The following ASIC2 variants were observed in gnomAD, a reference collection of about 807,000 sequenced individuals.
ASIC2 encodes the protein acid sensing ion channel subunit 2.
A neutral mutation model predicts 57.3 loss-of-function variants in ASIC2; 25 were observed. The ratio of observed to expected loss-of-function variants is 0.44; its 90% CI spans 0.32 to 0.61. The LOEUF is 0.61. ASIC2 is among the 20% of genes least tolerant of loss of function. The probability of loss-of-function intolerance (pLI) is 0.06; values close to 1 mark genes in which losing one functional copy is unlikely to be tolerated. For synonymous variants in ASIC2, 319 were observed against 307.5 expected, an observed-to-expected ratio of 1.04 and a Z score of -0.39; for missense variants, 641 against 738.1, an observed-to-expected ratio of 0.87 and a Z score of 1.52.
At chr17:33,662,460 A>G (rs1242258671) in intron 1 of ASIC2, among the ~76,000 whole-genome samples, 1 of 144,078 alleles carries the variant, frequency 6.9e-6, no homozygotes, top group Non-Finnish European at 1.5e-5. Flanking sequence ...ATCTCCACTA[A>G]AAATACAAAA....
intron 1 of ASIC2, among the ~76,000 whole-genome samples, chr17:33,417,267 T>G (rs1267630181): frequency 2.6e-5 from 4 of 152,138 alleles, no homozygotes; most frequent in Admixed American, 2.0e-4. Flanking sequence ...TCCACCCAGT[T>G]CAAGCCCCTA....
At chr17:33,739,034 G>T (rs1292370042) in intron 1 of ASIC2, among the ~76,000 whole-genome samples, 1 of 152,232 alleles carries the variant, frequency 6.6e-6, no homozygotes, top group African/African-American at 2.4e-5. Context: ...AACAGCCCCA[G>T]TTCTGGCAGA....
chr17:33,120,076 G>C (rs950072082), intron 1 of ASIC2, among the ~76,000 whole-genome samples: 1 of 152,206 alleles, frequency 6.6e-6, no homozygotes, highest in Non-Finnish European at 1.5e-5. Flanking sequence ...CCTAGCCCAA[G>C]GTCCTACAGC....
intron 1 of ASIC2, among the ~76,000 whole-genome samples, chr17:33,450,941 C>T (rs1310060218): frequency 6.6e-6 from 1 of 152,216 alleles, no homozygotes; most frequent in Non-Finnish European, 1.5e-5. Context: ...AACTGCTATC[C>T]TGACATGTTC....
At chr17:33,934,217 G>A (rs1447249087) in intron 1 of ASIC2, among the ~76,000 whole-genome samples, 2 of 152,186 alleles carry the variant, frequency 1.3e-5, no homozygotes, top group East Asian at 1.9e-4. Context: ...TGGAAATCAA[G>A]TATTATGGCT....
At chr17:34,077,808 CCT>C (rs780305813) in intron 1 of ASIC2, among the ~76,000 whole-genome samples, 35 of 152,230 alleles carry the variant, frequency 2.3e-4, no homozygotes, top group South Asian at 1.0e-3. Context: ...TGCGTCCCAG[CCT>C]CTCTGAAGAA....
chr17:33,142,337 G>T (rs570174608), intron 1 of ASIC2, among the ~76,000 whole-genome samples: 10 of 152,302 alleles, frequency 6.6e-5, no homozygotes, highest in Non-Finnish European at 1.3e-4. Context: ...CAGAGTATTT[G>T]GTTGTGATAA....
At chr17:34,068,043 C>A (rs1909237348) in intron 1 of ASIC2, among the ~76,000 whole-genome samples, 2 of 152,262 alleles carry the variant, frequency 1.3e-5, no homozygotes, top group Admixed American at 6.5e-5. Flanking sequence ...CTTTTACAAT[C>A]CAATAAATCT....
intron 1 of ASIC2, among the ~76,000 whole-genome samples, chr17:34,061,548 G>A (rs1180106461): frequency 6.6e-6 from 1 of 152,162 alleles, no homozygotes; most frequent in Non-Finnish European, 1.5e-5. Flanking sequence ...AATGTAAATG[G>A]CCTAAATGCT....
rs58085265 is a variant in ASIC2, at chr17:33,682,060, C to CTTTTTTTTTT, written c.555+473908_555+473917dup. ...CCACACAGGATGGCATCAGTGACAT[C>CTTTTTTTTTT]TTTTTTTTTTTTTTTTTGAGACAGA... is the stretch of plus-strand genomic sequence containing the variant. On this transcript the variant is annotated intron_variant, in intron 1 of 9. Transcript: ENST00000359872. Among the ~76,000 whole-genome samples the CTTTTTTTTTT allele has an allele frequency of 2.4e-5, 3 of 122,782 alleles. 1 individual carries two copies. Among genetic ancestry groups the CTTTTTTTTTT allele is most frequent in the African/African-American group, 1.0e-4 (3 of 29,880 alleles). The allele number at this position is 122,782 out of a possible 152,430, so 80.5% of individuals were successfully genotyped here.
intron 1 of ASIC2, among the ~76,000 whole-genome samples, chr17:33,159,129 A>C (rs965154833): frequency 6.7e-4 from 102 of 152,128 alleles, no homozygotes; most frequent in African/African-American, 2.2e-3. Context: ...TTGTAATGAT[A>C]AATTACCATT....
At chr17:33,800,077 GTCCTCCA>G (rs1912087431) in intron 1 of ASIC2, among the ~76,000 whole-genome samples, 1 of 152,022 alleles carries the variant, frequency 6.6e-6, no homozygotes, top group African/African-American at 2.4e-5. Context: ...ACCTTAGCTG[GTCCTCCA>G]TGCTCTATTA....
At chr17:33,694,140 T>C (rs1164505206) in intron 1 of ASIC2, among the ~76,000 whole-genome samples, 1 of 152,178 alleles carries the variant, frequency 6.6e-6, no homozygotes, top group Non-Finnish European at 1.5e-5. Flanking sequence ...GTGAGAAAGA[T>C]TCATGGCCTC....
chr17:33,650,796 C>G (rs1906893595), intron 1 of ASIC2, among the ~76,000 whole-genome samples: 1 of 152,040 alleles, frequency 6.6e-6, no homozygotes, highest in Non-Finnish European at 1.5e-5. Flanking sequence ...AAAAGCAGAA[C>G]AGATTAGTGG....
chr17:34,141,112 C>T (rs1329523279), intron 1 of ASIC2, among the ~76,000 whole-genome samples: 1 of 150,772 alleles, frequency 6.6e-6, no homozygotes, highest in African/African-American at 2.4e-5. Flanking sequence ...AAACATTGAA[C>T]AAACCAAAAT....
chr17:33,109,515 C>T (rs1301322815), intron 2 of ASIC2, among the ~76,000 whole-genome samples: 1 of 152,184 alleles, frequency 6.6e-6, no homozygotes, highest in African/African-American at 2.4e-5. Flanking sequence ...TGTGCTGGTC[C>T]ATCTCCCAGG....
At chr17:33,957,848 C>T (rs973886942) in intron 1 of ASIC2, among the ~76,000 whole-genome samples, 2 of 152,190 alleles carry the variant, frequency 1.3e-5, no homozygotes, top group Non-Finnish European at 2.9e-5. Context: ...AGTCCACAGT[C>T]CAAAGTCTCA....
chr17:33,141,897 G>A (rs1258478941), intron 1 of ASIC2, among the ~76,000 whole-genome samples: 1 of 151,074 alleles, frequency 6.6e-6, no homozygotes, highest in Non-Finnish European at 1.5e-5. Context: ...TAACTATACA[G>A]GGTGTCCATG....
intron 1 of ASIC2, among the ~76,000 whole-genome samples, chr17:33,617,369 G>T (rs970173813): frequency 4.6e-5 from 7 of 152,170 alleles, no homozygotes; most frequent in Admixed American, 1.3e-4. Flanking sequence ...GAAGCTGGAG[G>T]CCATTATCCT....
Sources: allele counts gnomAD v4.1 joint callset (sites outside exome capture counted in the v4.1 genomes callset), GRCh38; gene constraint gnomAD v4.1.1; transcripts MANE v1.5; gene names NCBI Gene and HGNC (gene_info 2026-07-23, HGNC 2026-07-21).